The following VPS13A variants were observed in gnomAD, a reference collection of about 807,000 sequenced individuals.
The protein encoded by VPS13A is vacuolar protein sorting 13 homolog A.
A neutral mutation model predicts 390.9 loss-of-function variants in VPS13A; 264 were observed. The observed-to-expected ratio is 0.68, with a 90% confidence interval of 0.61 to 0.75. The LOEUF (loss-of-function observed/expected upper bound fraction) is 0.75, where lower values mean the gene tolerates loss of function less well. VPS13A is among the 30% of genes least tolerant of loss of function. VPS13A has a pLI of 0.00. For missense variants in VPS13A, 3,409 were observed against 3,733.9 expected (o/e 0.91, Z 2.27); for synonymous variants, 1,231 against 1,227.1 (o/e 1.00, Z -0.07).
intron 9 of VPS13A, 106 bp downstream of exon 9, chr9:77,213,420 C>G (rs564614413): frequency 3.4e-6 from 3 of 893,250 alleles, no homozygotes; most frequent in South Asian, 2.9e-5. Context: ...TTCCTAGGCA[C>G]AATCTATTAG....
intron 45 of VPS13A, among the ~76,000 whole-genome samples, chr9:77,323,946 C>T (rs1587583038): frequency 6.6e-6 from 1 of 152,000 alleles, no homozygotes; most frequent in East Asian, 1.9e-4. Context: ...CCTTTGTATA[C>T]AGTGTGAAGT....
intron 52 of VPS13A, 133 bp downstream of exon 52, chr9:77,345,275 A>T (rs1371299422): frequency 4.9e-6 from 5 of 1,021,528 alleles, no homozygotes; most frequent in Non-Finnish European, 7.2e-6. Context: ...TGTTCCATTA[A>T]AAAATGTACT....
At chr9:77,402,547 C>T (rs908547002) in intron 68 of VPS13A, among the ~76,000 whole-genome samples, 11 of 152,068 alleles carry the variant, frequency 7.2e-5, no homozygotes, top group Admixed American at 2.6e-4. Flanking sequence ...AGCTGAAGTA[C>T]GTCCATCCTC....
At chr9:77,316,757 T>G (rs549312844) in intron 39 of VPS13A, among the ~76,000 whole-genome samples, 1 of 152,188 alleles carries the variant, frequency 6.6e-6, no homozygotes, top group East Asian at 1.9e-4. Flanking sequence ...TGTTTCAATT[T>G]TATTGTTTCA....
At chr9:77,369,433 G>C (rs918438399) in intron 63 of VPS13A, 21 bp downstream of exon 63, 4 of 1,456,976 alleles carry the variant, frequency 2.7e-6, no homozygotes, top group Non-Finnish European at 3.9e-6. Flanking sequence ...TATTTTTGTG[G>C]TTGTGCAATA....
rs1352654377 is a variant in VPS13A at position 77,280,142 on chromosome 9, T to A, written c.2825-17T>A. 7 of 1,574,798 alleles carry A rather than the reference T, an allele frequency of 4.4e-6. No homozygotes were observed. Among genetic ancestry groups the A allele is most frequent in the East Asian group, 2.3e-5 (1 of 43,972 alleles). Reference sequence around the variant, plus strand: ...ACCTTTCCGATGAAAAGATAATTTTTAAAAAATTATTTTTAGATGAAAACA... The same window carrying A: ...ACCTTTCCGATGAAAAGATAATTTTAAAAAAATTATTTTTAGATGAAAACA... On this transcript the variant is annotated splice_polypyrimidine_tract_variant and intron_variant, in intron 26 of 71. Transcript: ENST00000360280.
At chr9:77,232,953 A>G (rs1188718619) in intron 17 of VPS13A, among the ~76,000 whole-genome samples, 3 of 152,172 alleles carry the variant, frequency 2.0e-5, no homozygotes, top group Admixed American at 6.6e-5. Flanking sequence ...AGGTTTTACT[A>G]TAAGTAAGTT....
Position 77,302,897 on chromosome 9 carries a change from T to A in VPS13A, c.3813-18T>A, listed in dbSNP as rs751255750. On this transcript the variant is annotated intron_variant, in intron 33 of 71. Coordinates refer to ENST00000360280, the MANE Select transcript of VPS13A (RefSeq NM_033305.3). The stretch of plus-strand genomic sequence containing the variant: ...ATGTATATGAAACAATTTAAAAGAA[T>A]GTTATCTCTACTTATAGATCTCGAT... 1 of 1,607,740 alleles carries A rather than the reference T, an allele frequency of 6.2e-7. No homozygotes were observed. Among genetic ancestry groups the A allele is most frequent in the South Asian group, 1.1e-5 (1 of 90,810 alleles).
At chr9:77,220,720 A>G (rs185085548) in intron 12 of VPS13A, among the ~76,000 whole-genome samples, 2 of 152,164 alleles carry the variant, frequency 1.3e-5, no homozygotes, top group East Asian at 1.9e-4. Flanking sequence ...CAGCTTCCCT[A>G]TCAGATACAC....
At chr9:77,301,014 G>A (rs569016407) in intron 33 of VPS13A, among the ~76,000 whole-genome samples, 1 of 152,352 alleles carries the variant, frequency 6.6e-6, no homozygotes, top group South Asian at 2.1e-4. Flanking sequence ...ATTAAATGCA[G>A]TGATGGAAAA....
chr9:77,273,975 G>A lies in VPS13A; in HGVS notation c.2512+611G>A, dbSNP rs570905373. On this transcript the variant is annotated intron_variant, in intron 24 of 71. Transcript: ENST00000360280. ...CCTTATGCCAAAAAGACATGTTTTC[G>A]AGTGGCGTATTTTGGTCTTCTGTAG... 6.6e-5 allele frequency among the ~76,000 whole-genome samples: 10 copies of A among 152,194 alleles called. No individual in the cohort carries two copies. The South Asian group carries it at 1.2e-3, about 19-fold the overall frequency.
chr9:77,299,720 T>A (rs183731531), intron 33 of VPS13A, among the ~76,000 whole-genome samples: 2 of 152,290 alleles, frequency 1.3e-5, no homozygotes, highest in Admixed American at 1.3e-4. Flanking sequence ...GTGGCACATA[T>A]ACACCATGGA....
intron 50 of VPS13A, among the ~76,000 whole-genome samples, chr9:77,343,877 G>GGT (rs1452148135): frequency 6.6e-6 from 1 of 152,142 alleles, no homozygotes; most frequent in Non-Finnish European, 1.5e-5. Flanking sequence ...TTCTCTGTAA[G>GGT]ATCATGACCA....
chr9:77,212,013 A>G (rs1005446150), intron 7 of VPS13A, among the ~76,000 whole-genome samples: 4 of 152,138 alleles, frequency 2.6e-5, no homozygotes, highest in Non-Finnish European at 5.9e-5. Context: ...GTTATCTCCT[A>G]TGAAACTGGT....
At chr9:77,238,975 A>G (rs1376021968) in intron 19 of VPS13A, among the ~76,000 whole-genome samples, 1 of 152,122 alleles carries the variant, frequency 6.6e-6, no homozygotes, top group African/African-American at 2.4e-5. Flanking sequence ...AATGTTCCTC[A>G]TATGCTGAAA....
chr9:77,275,626 T>C lies in VPS13A; in HGVS notation c.2641T>C (p.Phe881Leu), dbSNP rs754583667. ...KQDCSVNMTTFKIRFEVPKVL... is the reference protein window; with the variant it reads ...KQDCSVNMTTLKIRFEVPKVL... ...GGATTGTTCAGTAAATATGACTACA[T>C]TTAAAATAAGATTTGAAGTACCAAA... The change falls in exon 25 of 72, where the codon TTT becomes CTT. Residue 881 changes from phenylalanine to leucine, a missense_variant. By Grantham distance (22) the Phe-to-Leu change is conservative (BLOSUM62 0). Around this residue, in one of 5 missense-constraint regions of VPS13A, gnomAD observed 2,717 missense variants for 2,917.4 expected, o/e 0.93. Coordinates refer to ENST00000360280, the MANE Select transcript of VPS13A (RefSeq NM_033305.3). 3 of 1,613,588 alleles carry C rather than the reference T, an allele frequency of 1.9e-6. No homozygotes were observed. In the South Asian group the frequency reaches 3.3e-5, roughly 18 times the overall value.
intron 68 of VPS13A, chr9:77,384,496 T>C (rs1833597059): frequency 1.3e-6 from 2 of 1,566,942 alleles, no homozygotes; most frequent in Non-Finnish European, 1.7e-6. Flanking sequence ...TTCTCACTCT[T>C]TGAACATTTC....
intron 35 of VPS13A, among the ~76,000 whole-genome samples, chr9:77,312,577 C>T (rs1468662621): frequency 6.6e-6 from 1 of 152,028 alleles, no homozygotes; most frequent in East Asian, 1.9e-4. Context: ...CAGGTGCCCG[C>T]CACCATGCCT....
At chr9:77,380,978 C>T (rs1000700529) in intron 67 of VPS13A, among the ~76,000 whole-genome samples, 8 of 152,144 alleles carry the variant, frequency 5.3e-5, no homozygotes, top group East Asian at 1.9e-4. Context: ...GGCTATGGAC[C>T]GGTACTGGTT....
Sources: allele counts gnomAD v4.1 joint callset (sites outside exome capture counted in the v4.1 genomes callset), GRCh38; gene constraint gnomAD v4.1.1; regional missense constraint gnomAD v4.1.1; transcripts MANE v1.5; gene names NCBI Gene and HGNC (gene_info 2026-07-23, HGNC 2026-07-21).